CEP15: variants seen among roughly 807,000 people sequenced by gnomAD.
CEP15 encodes the protein centrosomal protein 15, also known as centrosomal protein 15 kDa.
chr3:62,325,393 TAA>T, the CEP15 span, among the ~76,000 whole-genome samples: 2 of 152,158 alleles, frequency 1.3e-5, no homozygotes, highest in Non-Finnish European at 2.9e-5. Context: ...AGCAGGAATA[TAA>T]AATATCAAAG....
At chr3:62,331,433 G>T in the CEP15 span, 2 of 1,547,486 alleles carry the variant, frequency 1.3e-6, no homozygotes, top group Non-Finnish European at 1.8e-6. Context: ...TAAAAAGAGA[G>T]ACCCTATCTA....
the CEP15 span, chr3:62,331,291 C>G: frequency 6.3e-7 from 1 of 1,592,960 alleles, no homozygotes; most frequent in African/African-American, 1.3e-5. Flanking sequence ...TTATGTAAAT[C>G]CACTTTAATA....
chr3:62,327,184 G>A, the CEP15 span, among the ~76,000 whole-genome samples: 1 of 152,266 alleles, frequency 6.6e-6, no homozygotes, highest in African/African-American at 2.4e-5. Context: ...GCATGTTCCT[G>A]TATTCTCCGT....
chr3:62,333,474 TA>T, the CEP15 span: 2 of 1,433,444 alleles, frequency 1.4e-6, no homozygotes, highest in Non-Finnish European at 1.9e-6. The surrounding 1 kb of genome is among the most constrained non-coding windows in gnomAD (Gnocchi z 4.0). Flanking sequence ...CTTTAGGAAT[TA>T]AATATGTTCA....
chr3:62,323,238 C>T, the CEP15 span, among the ~76,000 whole-genome samples: 1 of 152,214 alleles, frequency 6.6e-6, no homozygotes, highest in Admixed American at 6.5e-5. Context: ...AACCCAGAAA[C>T]TTTGTGTGAT....
chr3:62,331,828 G>T, the CEP15 span, among the ~76,000 whole-genome samples: 3 of 152,074 alleles, frequency 2.0e-5, no homozygotes, highest in Admixed American at 2.0e-4. Flanking sequence ...AATATAGTAT[G>T]GCTTTTGTCT....
the CEP15 span, among the ~76,000 whole-genome samples, chr3:62,324,434 A>AG: frequency 1.3e-5 from 2 of 152,162 alleles, no homozygotes; most frequent in African/African-American, 4.8e-5. Context: ...ACTTGATTGC[A>AG]GAATTTTGAG....
At chr3:62,330,414 G>C in the CEP15 span, among the ~76,000 whole-genome samples, 1 of 152,150 alleles carries the variant, frequency 6.6e-6, no homozygotes, top group African/African-American at 2.4e-5. Context: ...ACAGACATAA[G>C]TGGGAACAAG....
chr3:62,324,632 A>T, the CEP15 span, among the ~76,000 whole-genome samples: 1 of 152,106 alleles, frequency 6.6e-6, no homozygotes, highest in Non-Finnish European at 1.5e-5. Flanking sequence ...AAAACCACTG[A>T]TCTGGGCTAA....
chr3:62,329,685 C>T, the CEP15 span, among the ~76,000 whole-genome samples: 7 of 152,220 alleles, frequency 4.6e-5, no homozygotes, highest in Non-Finnish European at 7.4e-5. Flanking sequence ...TCTGCTTTTC[C>T]ATTTACAAAT....
At chr3:62,332,006 C>A in the CEP15 span, among the ~76,000 whole-genome samples, 1 of 152,242 alleles carries the variant, frequency 6.6e-6, no homozygotes, top group South Asian at 2.1e-4. Flanking sequence ...TTCTCCCCAA[C>A]TGGGGATAAA....
the CEP15 span, among the ~76,000 whole-genome samples, chr3:62,330,575 T>TG: frequency 6.6e-6 from 1 of 152,174 alleles, no homozygotes; most frequent in South Asian, 2.1e-4. Context: ...TTAGTTACCT[T>TG]GGTGTTTTTA....
chr3:62,319,782 A>G, the CEP15 span: 1 of 152,264 alleles, frequency 6.6e-6, no homozygotes, highest in South Asian at 2.1e-4. Flanking sequence ...GGAGGCCTTC[A>G]GAGCATTTCA....
chr3:62,331,268 G>A, the CEP15 span: 2 of 1,460,440 alleles, frequency 1.4e-6, no homozygotes, highest in African/African-American at 2.8e-5. Flanking sequence ...TGCTAGTACA[G>A]GTGCCATTTG....
chr3:62,335,622 A>C, the CEP15 span: 1 of 152,166 alleles, frequency 6.6e-6, no homozygotes, highest in East Asian at 1.9e-4. Context: ...ATTAGTAGGA[A>C]TCAGACAAGG....
chr3:62,324,968 A>G, the CEP15 span, among the ~76,000 whole-genome samples: 1 of 152,230 alleles, frequency 6.6e-6, no homozygotes, highest in African/African-American at 2.4e-5. Flanking sequence ...AATTTGTTCT[A>G]AAAGTAGTAT....
the CEP15 span, among the ~76,000 whole-genome samples, chr3:62,331,739 G>C: frequency 5.3e-5 from 8 of 152,066 alleles, no homozygotes; most frequent in Non-Finnish European, 1.2e-4. Context: ...TGCTTTTGCT[G>C]CTTGCTGATG....
the CEP15 span, among the ~76,000 whole-genome samples, chr3:62,327,473 G>A: frequency 6.6e-6 from 1 of 152,064 alleles, no homozygotes; most frequent in Non-Finnish European, 1.5e-5. Context: ...CATTTTTAGT[G>A]CTCAGTAGCC....
chr3:62,319,050 G>A, the CEP15 span: 1 of 152,340 alleles, frequency 6.6e-6, no homozygotes, highest in Non-Finnish European at 1.5e-5. Flanking sequence ...CTCAGAGGCG[G>A]GCTCGGTGAG....
Sources: gnomAD v4.1 joint callset for allele counts (sites outside exome capture counted in the v4.1 genomes callset) on GRCh38, gnomAD v4.1.1 for gene constraint, Gnocchi (gnomAD v3.1) non-coding constraint, MANE v1.5 for transcripts, NCBI Gene and HGNC (gene_info 2026-07-23, HGNC 2026-07-21) for gene names.